The following LARGE1 variants were observed in gnomAD, a reference collection of about 807,000 sequenced individuals.
LARGE1 encodes LARGE xylosyl- and glucuronyltransferase 1, also known as xylosyl- and glucuronyltransferase LARGE1.
LARGE1 carries 43 observed loss-of-function variants against 87.6 expected under a neutral mutation model. That is an observed-to-expected ratio of 0.49 (90% confidence interval 0.38 to 0.63). The LOEUF (loss-of-function observed/expected upper bound fraction) is 0.63, where lower values mean the gene tolerates loss of function less well. Among genes scored for constraint, LARGE1 ranks in the 30% least tolerant of loss-of-function variants. The pLI is 0.00. For synonymous variants in LARGE1, 434 were observed against 394.6 expected (o/e 1.10, Z -1.18); for missense variants, 802 against 1,000.2 (o/e 0.80, Z 2.67).
chr22:33,265,201 G>A (rs1927866210), intron 11 of LARGE1, among the ~76,000 whole-genome samples: 1 of 151,986 alleles, frequency 6.6e-6, no homozygotes, highest in Non-Finnish European at 1.5e-5. Context: ...CACCATGTCT[G>A]GCCTGATCAA....
chr22:33,698,478 C>A (rs915922730), intron 2 of LARGE1, among the ~76,000 whole-genome samples: 1 of 143,918 alleles, frequency 6.9e-6, no homozygotes, highest in East Asian at 2.1e-4. Flanking sequence ...TTTTTGTATT[C>A]TTTTTGCTTT....
chr22:33,525,980 A>C (rs952224678), intron 6 of LARGE1, among the ~76,000 whole-genome samples: 2 of 152,266 alleles, frequency 1.3e-5, no homozygotes, highest in African/African-American at 4.8e-5. Flanking sequence ...AACTATGTAC[A>C]GAAATATTCA....
At chr22:33,547,820 A>AAC (rs1165789246) in intron 6 of LARGE1, among the ~76,000 whole-genome samples, 3 of 149,646 alleles carry the variant, frequency 2.0e-5, no homozygotes, top group East Asian at 3.9e-4. Flanking sequence ...AAAAAAAAAA[A>AAC]AAAGCAGGTT....
intron 6 of LARGE1, among the ~76,000 whole-genome samples, chr22:33,536,474 G>A (rs1045499650): frequency 2.7e-5 from 4 of 150,812 alleles, no homozygotes; most frequent in Non-Finnish European, 4.4e-5. Flanking sequence ...ATGCACTGAG[G>A]AGAGAGTGAT....
intron 12 of LARGE1, among the ~76,000 whole-genome samples, chr22:33,289,837 T>G (rs1276241706): frequency 6.6e-6 from 1 of 152,142 alleles, no homozygotes; most frequent in Admixed American, 6.5e-5. Context: ...CCTCCTCTTC[T>G]GTATATCTTT....
chr22:33,842,610 G>A (rs995760954), intron 1 of LARGE1, among the ~76,000 whole-genome samples: 6 of 152,054 alleles, frequency 3.9e-5, no homozygotes, highest in African/African-American at 1.2e-4. Context: ...CAGGTGTCAC[G>A]AAACACCAGG....
the LARGE1 span, among the ~76,000 whole-genome samples, chr22:33,153,890 T>A: frequency 2.6e-5 from 4 of 152,190 alleles, no homozygotes; most frequent in African/African-American, 9.6e-5. Flanking sequence ...AATTTTAATC[T>A]CTGTTTCAAA....
chr22:33,255,058 C>T (rs1388214681), intron 11 of LARGE1, among the ~76,000 whole-genome samples: 6 of 151,924 alleles, frequency 3.9e-5, no homozygotes, highest in African/African-American at 9.7e-5. Flanking sequence ...CTGCCTCAGC[C>T]TCCCTGGTAA....
chr22:33,882,516 A>AG lies in LARGE1; in HGVS notation c.-83+37478dup, dbSNP rs557662710. Among the ~76,000 whole-genome samples the AG allele has an allele frequency of 1.6e-4, 24 of 152,332 alleles. No individual in the cohort carries two copies. The South Asian group carries it at 2.9e-3, about 18-fold the overall frequency. On this transcript the variant is annotated intron_variant, in intron 1 of 14. Transcript: ENST00000397394. Reference sequence around the variant, plus strand: ...GATGCCAGCCAGGAGACCTCTCAGCAGGGGGGCATTGTTAAAGCTTAGGAA... The same window carrying AG: ...GATGCCAGCCAGGAGACCTCTCAGCAGGGGGGGCATTGTTAAAGCTTAGGAA...
intron 1 of LARGE1, among the ~76,000 whole-genome samples, chr22:33,903,025 G>A (rs1261070763): frequency 2.0e-5 from 3 of 152,164 alleles, no homozygotes; most frequent in Admixed American, 6.5e-5. Context: ...CCAGCTACTC[G>A]GGAGGCTGAG....
At chr22:33,778,449 A>G (rs113309615) in intron 1 of LARGE1, among the ~76,000 whole-genome samples, 12 of 152,152 alleles carry the variant, frequency 7.9e-5, no homozygotes, top group Non-Finnish European at 1.6e-4. Context: ...ATTTCCATCA[A>G]TCTGAAAGAA....
chr22:33,300,644 C>T (rs564480682), intron 12 of LARGE1, among the ~76,000 whole-genome samples: 1 of 152,214 alleles, frequency 6.6e-6, no homozygotes, highest in Non-Finnish European at 1.5e-5. Flanking sequence ...GGGGTTCAAG[C>T]GATTCCCCTG....
At chr22:33,138,282 C>T in the LARGE1 span, among the ~76,000 whole-genome samples, 59 of 152,154 alleles carry the variant, frequency 3.9e-4, no homozygotes, top group African/African-American at 1.3e-3. Flanking sequence ...GCCCGTACCC[C>T]TTTGTTTTGG....
At chr22:33,345,934 T>G (rs1027488302) in intron 9 of LARGE1, among the ~76,000 whole-genome samples, 1 of 152,174 alleles carries the variant, frequency 6.6e-6, no homozygotes, top group Non-Finnish European at 1.5e-5. Flanking sequence ...GCCAGGTGAA[T>G]AAGAACATGG....
At chr22:33,442,973 T>C (rs36074878) in intron 6 of LARGE1, among the ~76,000 whole-genome samples, 31,661 of 151,936 alleles carry the variant, frequency 0.21, 4,307 homozygotes, top group Non-Finnish European at 0.3. Context: ...TTGTATTTTT[T>C]AGTAGAGACA....
chr22:33,743,689 C>T (rs772549123), intron 2 of LARGE1, among the ~76,000 whole-genome samples: 4 of 152,204 alleles, frequency 2.6e-5, no homozygotes, highest in Admixed American at 1.3e-4. Flanking sequence ...ATCTGACCTC[C>T]ACCACAACTC....
rs187687968 is a variant in LARGE1, at chr22:33,518,462, C to A, written c.787+46386G>T. 5.9e-3 allele frequency among the ~76,000 whole-genome samples: 898 copies of A among 152,344 alleles called. 5 individuals are homozygous for A. The highest frequency in any genetic ancestry group is 0.02 in the African/African-American group (835 of 41,576). On this transcript the variant is annotated intron_variant, in intron 6 of 14. Coordinates refer to ENST00000397394, the MANE Select transcript of LARGE1 (RefSeq NM_133642.5). ...GCCTCCTGAATAAAGGCACATGCCA[C>A]CATGCCTGGCTAATTTTTGTATTTT... is the stretch of plus-strand genomic sequence containing the variant.
intron 1 of LARGE1, among the ~76,000 whole-genome samples, chr22:33,793,932 AT>A (rs1024031303): frequency 1.1e-4 from 16 of 151,540 alleles, no homozygotes; most frequent in African/African-American, 2.9e-4. Flanking sequence ...GATAACCATA[AT>A]TTTTTTTTCC....
At chr22:33,760,131 C>T (rs2084668722) in intron 2 of LARGE1, among the ~76,000 whole-genome samples, 1 of 152,226 alleles carries the variant, frequency 6.6e-6, no homozygotes, top group Admixed American at 6.5e-5. Flanking sequence ...TTTAAAAACA[C>T]AGTTGTGACT....
Sources: gnomAD v4.1 joint callset for allele counts (sites outside exome capture counted in the v4.1 genomes callset) on GRCh38, gnomAD v4.1.1 for gene constraint, MANE v1.5 for transcripts, NCBI Gene and HGNC (gene_info 2026-07-23, HGNC 2026-07-21) for gene names.